Variants in PCDHA2 observed in about 807,000 individuals in gnomAD.
PCDHA2 encodes protocadherin alpha-2.
PCDHA2 carries 58 observed loss-of-function variants against 66.0 expected under a neutral mutation model. The observed-to-expected ratio is 0.88, with a 90% CI of 0.71 to 1.09. The LOEUF (loss-of-function observed/expected upper bound fraction) is 1.09. PCDHA2 is among the 50% of genes least tolerant of loss of function. PCDHA2 has a pLI of 0.00. For missense variants in PCDHA2, 1,267 were observed against 1,242.3 expected (o/e 1.02, Z -0.30); for synonymous variants, 634 against 554.0 (o/e 1.14, Z -2.03).
chr5:140,987,001 G>T (rs2097221434), intron 3 of PCDHA2, among the ~76,000 whole-genome samples: 1 of 152,038 alleles, frequency 6.6e-6, no homozygotes. Context: ...ATCACTTGAG[G>T]TCATGAGTTC....
chr5:140,817,462 T>C (rs1766142664), intron 1 of PCDHA2: 1 of 152,254 alleles, frequency 6.6e-6, no homozygotes, highest in Non-Finnish European at 1.5e-5. Context: ...ATCTTGCTGA[T>C]GTCACTACCT....
chr5:140,963,543 T>C (rs1390082859), intron 1 of PCDHA2, among the ~76,000 whole-genome samples: 2 of 152,238 alleles, frequency 1.3e-5, no homozygotes, highest in East Asian at 1.9e-4. Flanking sequence ...TACTTCATGA[T>C]ATAAAAAGGG....
chr5:140,886,097 A>G (rs1341108712), intron 1 of PCDHA2, among the ~76,000 whole-genome samples: 1 of 152,214 alleles, frequency 6.6e-6, no homozygotes, highest in Non-Finnish European at 1.5e-5. Context: ...ATTGACATTG[A>G]TACAGTAAAG....
At chr5:140,897,252 A>G (rs1179343621) in intron 1 of PCDHA2, among the ~76,000 whole-genome samples, 3 of 152,018 alleles carry the variant, frequency 2.0e-5, no homozygotes, top group East Asian at 3.9e-4. Flanking sequence ...TTACATATGT[A>G]TACATGTGCC....
At chr5:140,854,143 C>CA (rs1554147026) in intron 1 of PCDHA2, 3 of 432,586 alleles carry the variant, frequency 6.9e-6, no homozygotes, top group Non-Finnish European at 8.7e-6. Flanking sequence ...GCCCGGGTGA[C>CA]AGCAAGATTC....
At chr5:141,003,441 A>G (rs184470683) in intron 3 of PCDHA2, among the ~76,000 whole-genome samples, 25 of 152,240 alleles carry the variant, frequency 1.6e-4, no homozygotes, top group Non-Finnish European at 1.5e-5. Flanking sequence ...CCTCCCAAGT[A>G]GATGAAATTA....
At chr5:140,809,680 C>A (rs1325474116) in intron 1 of PCDHA2, 11 of 1,338,242 alleles carry the variant, frequency 8.2e-6, no homozygotes, top group African/African-American at 1.5e-5. Flanking sequence ...AATTTTACCT[C>A]TTTTTACATA....
intron 1 of PCDHA2, chr5:140,836,302 C>G: frequency 1.9e-6 from 3 of 1,613,734 alleles, no homozygotes; most frequent in East Asian, 2.2e-5. Flanking sequence ...CTAGATGAGA[C>G]GGACGCACCG....
intron 1 of PCDHA2, chr5:140,843,530 C>G (rs2150362147): frequency 1.3e-6 from 2 of 1,595,838 alleles, no homozygotes; most frequent in African/African-American, 1.3e-5. Flanking sequence ...GGCGGGCAAG[C>G]CCACTCTGGT....
chr5:140,891,311 T>C (rs563637309), intron 1 of PCDHA2, among the ~76,000 whole-genome samples: 1 of 152,216 alleles, frequency 6.6e-6, no homozygotes, highest in African/African-American at 2.4e-5. Context: ...ATTACATGAG[T>C]AAGTTCTTTG....
At chr5:140,836,206 C>A (rs1554135734) in intron 1 of PCDHA2, 3 of 1,613,832 alleles carry the variant, frequency 1.9e-6, no homozygotes, top group Middle Eastern at 1.6e-4. Context: ...GCGTGGCTTT[C>A]GTATGAGTTG....
intron 1 of PCDHA2, chr5:140,853,385 A>C (rs2042733783): frequency 3.0e-6 from 3 of 986,050 alleles, no homozygotes; most frequent in Non-Finnish European, 3.7e-6. Flanking sequence ...AATTCAAAAC[A>C]GCCTGTCAAG....
At chr5:140,917,324 C>CGG (rs1299895515) in intron 1 of PCDHA2, among the ~76,000 whole-genome samples, 73 of 76,040 alleles carry the variant, frequency 9.6e-4, no homozygotes, top group South Asian at 2.7e-3. Flanking sequence ...GTTCATGTGG[C>CGG]GGGGGAGGGG....
intron 1 of PCDHA2, chr5:140,809,861 A>G: frequency 3.5e-6 from 1 of 287,918 alleles, no homozygotes; most frequent in South Asian, 6.6e-5. Context: ...TTTAGAAAAC[A>G]TTTTACTATT....
Position 140,856,846 on chromosome 5 carries a change from T to C in PCDHA2, c.2388+59494T>C. On this transcript the variant is annotated intron_variant, in intron 1 of 3. Coordinates refer to ENST00000526136, the MANE Select transcript of PCDHA2 (RefSeq NM_018905.3). Reference sequence around the variant, plus strand: ...CATTAGTAATACGGCTCAACGCTTCTGATTCGGATGAAGGAATAAACAAGG... The same window carrying C: ...CATTAGTAATACGGCTCAACGCTTCCGATTCGGATGAAGGAATAAACAAGG... 3.8e-6 allele frequency: 6 copies of C among 1,593,220 alleles called. 1 individual carries two copies. Among genetic ancestry groups the C allele is most frequent in the Non-Finnish European group, 5.2e-6 (6 of 1,163,214 alleles).
At chr5:140,962,220 T>A (rs1174731292) in intron 1 of PCDHA2, among the ~76,000 whole-genome samples, 2 of 152,186 alleles carry the variant, frequency 1.3e-5, no homozygotes, top group African/African-American at 4.8e-5. Flanking sequence ...GATCTTGAGG[T>A]TCAAGTTTCA....
At chr5:140,869,615 G>T in intron 1 of PCDHA2, 2 of 1,613,858 alleles carry the variant, frequency 1.2e-6, no homozygotes, top group Non-Finnish European at 1.7e-6. Flanking sequence ...TTGACCTACA[G>T]GCTAAGTAAA....
At chr5:141,009,463 A>C in intron 3 of PCDHA2, 164 bp from the exon 4 acceptor site, 1 of 954,884 alleles carries the variant, frequency 1.0e-6, no homozygotes, top group Non-Finnish European at 1.2e-6. Context: ...AAACAAATAA[A>C]TAAATAAGTA....
chr5:141,008,299 C>G (rs1223779122), intron 3 of PCDHA2, among the ~76,000 whole-genome samples: 9 of 152,238 alleles, frequency 5.9e-5, no homozygotes, highest in Non-Finnish European at 1.2e-4. Context: ...TGTACCCAAC[C>G]CTAAACTGTA....
Sources: gnomAD v4.1 joint callset for allele counts (sites outside exome capture counted in the v4.1 genomes callset) on GRCh38, gnomAD v4.1.1 for gene constraint, MANE v1.5 for transcripts, NCBI Gene and HGNC (gene_info 2026-07-23, HGNC 2026-07-21) for gene names.